Variants in SNPH observed in about 807,000 individuals in gnomAD.
The protein encoded by SNPH is syntaphilin.
In SNPH, 10 loss-of-function variants were observed where a neutral mutation model predicts 36.8. The observed-to-expected ratio is 0.27, with a 90% CI of 0.17 to 0.46. The LOEUF (loss-of-function observed/expected upper bound fraction) is 0.46. SNPH is among the 20% of genes least tolerant of loss of function. SNPH has a pLI of 1.00. For synonymous variants in SNPH, 281 were observed against 312.2 expected (o/e 0.90, Z 1.05); for missense variants, 622 against 744.0 (o/e 0.84, Z 1.91).
chr20:1,305,380 G>A lies in SNPH; in HGVS notation c.943G>A (p.Gly315Ser). The A allele has an allele frequency of 6.2e-7, 1 of 1,612,796 alleles. No individual in the cohort carries two copies. The highest frequency in any genetic ancestry group is 8.5e-7 in the Non-Finnish European group (1 of 1,180,006). The change falls in exon 7 of 7, where the codon GGC becomes AGC. Residue 315 changes from glycine (G) to serine (S), a missense_variant. This residue lies in a region of SNPH where 379 missense variants were observed against 427.9 expected (regional missense o/e 0.89). Coordinates refer to ENST00000381867, the MANE Select transcript of SNPH (RefSeq NM_001318234.2). Reference protein sequence around the residue: ...SSLLSSGVDCGTEETSLHSSF... With the variant: ...SSLLSSGVDCSTEETSLHSSF... Reference sequence around the variant, plus strand: ...CCTGCTGTCGTCGGGGGTGGACTGTGGCACCGAGGAGACCTCGCTGCACAG... The same window carrying A: ...CCTGCTGTCGTCGGGGGTGGACTGTAGCACCGAGGAGACCTCGCTGCACAG...
At chr20:1,273,419 A>G (rs1285853494) in intron 2 of SNPH, among the ~76,000 whole-genome samples, 1 of 152,202 alleles carries the variant, frequency 6.6e-6, no homozygotes, top group African/African-American at 2.4e-5. Flanking sequence ...GCCACGGTGA[A>G]GGAATTCAAA....
At chr20:1,273,571 CAT>C (rs1274372399) in intron 2 of SNPH, among the ~76,000 whole-genome samples, 3 of 152,186 alleles carry the variant, frequency 2.0e-5, no homozygotes, top group Non-Finnish European at 4.4e-5. Flanking sequence ...GGGCCTGACA[CAT>C]AGAAATATTA....
At chr20:1,299,096 G>A (rs748982477) in intron 5 of SNPH, among the ~76,000 whole-genome samples, 13 of 151,844 alleles carry the variant, frequency 8.6e-5, no homozygotes, top group Non-Finnish European at 1.3e-4. Flanking sequence ...GTTGACCTAG[G>A]GGCCATGACG....
intron 2 of SNPH, among the ~76,000 whole-genome samples, chr20:1,279,482 T>A (rs887349043): frequency 1.3e-5 from 2 of 152,240 alleles, no homozygotes; most frequent in African/African-American, 4.8e-5. Context: ...CTTTGTTAAA[T>A]ATATATTTTG....
At chr20:1,270,164 C>A (rs899906207) in intron 2 of SNPH, among the ~76,000 whole-genome samples, 1 of 152,208 alleles carries the variant, frequency 6.6e-6, no homozygotes, top group African/African-American at 2.4e-5. Flanking sequence ...GAGGGGATTC[C>A]TTAACTTGCT....
In SNPH at chr20:1,305,298, T is replaced by C. The variant is rs780818477; in HGVS notation, c.861T>C (p.Ser287=). 6.2e-6 allele frequency: 10 copies of C among 1,610,310 alleles called. No individual in the cohort carries two copies. ...SSGSAEDGAD[S]GFAAADDTLS... ...GCTCTGCTGAGGATGGGGCAGACAG[T>C]GGCTTTGCAGCAGCCGATGACACAC... Residue 287 remains serine, a synonymous_variant, in exon 7 of 7, where the codon AGT becomes AGC. Transcript: ENST00000381867.
chr20:1,284,374 T>C (rs6033312), intron 2 of SNPH, among the ~76,000 whole-genome samples: 104,847 of 152,138 alleles, frequency 0.69, 36,810 homozygotes, highest in Non-Finnish European at 0.77. Flanking sequence ...ATTGAGGGCC[T>C]GTGGTGGCCT....
In SNPH at chr20:1,305,416, C is replaced by T; in HGVS notation, c.979C>T (p.Leu327=). 1 of 1,613,116 alleles carries T rather than the reference C, an allele frequency of 6.2e-7. No homozygotes were observed. The highest frequency in any genetic ancestry group is 8.5e-7 in the Non-Finnish European group (1 of 1,180,034). ...EETSLHSSFG[L]GPRFPASNTY... ...GACCTCGCTGCACAGCTCCTTCGGC[C>T]TGGGCCCCCGCTTCCCTGCCAGCAA... Residue 327 remains leucine (L), a synonymous_variant, in exon 7 of 7, where the codon CTG becomes TTG. Coordinates refer to ENST00000381867, the MANE Select transcript of SNPH (RefSeq NM_001318234.2).
chr20:1,280,653 G>A (rs926909429), intron 2 of SNPH, among the ~76,000 whole-genome samples: 5 of 152,116 alleles, frequency 3.3e-5, no homozygotes, highest in Admixed American at 6.5e-5. Context: ...GAGTGTCCTG[G>A]CCCCAAGTAC....
chr20:1,289,944 C>T (rs1271552144), intron 2 of SNPH, among the ~76,000 whole-genome samples: 2 of 151,996 alleles, frequency 1.3e-5, no homozygotes, highest in Non-Finnish European at 2.9e-5. Flanking sequence ...TGGCTCACAC[C>T]TGTAATCCCA....
At chr20:1,277,865 CTG>C (rs1172880847) in intron 2 of SNPH, among the ~76,000 whole-genome samples, 5 of 120,184 alleles carry the variant, frequency 4.2e-5, no homozygotes, top group Non-Finnish European at 6.6e-5. Context: ...GTGTGTGTGC[CTG>C]TGTGTCTGTC....
At chr20:1,271,048 T>C (rs1253702564) in intron 2 of SNPH, among the ~76,000 whole-genome samples, 2 of 152,318 alleles carry the variant, frequency 1.3e-5, no homozygotes, top group East Asian at 1.9e-4. Context: ...TGCTTTGCAT[T>C]AATGGACAGA....
intron 5 of SNPH, among the ~76,000 whole-genome samples, chr20:1,298,025 T>G (rs1196272431): frequency 6.6e-6 from 1 of 152,022 alleles, no homozygotes; most frequent in African/African-American, 2.4e-5. Flanking sequence ...GAGAAGCAGG[T>G]GTAGGGGAGC....
intron 2 of SNPH, among the ~76,000 whole-genome samples, chr20:1,268,924 G>T (rs981918077): frequency 2.6e-5 from 4 of 152,124 alleles, no homozygotes; most frequent in Admixed American, 6.6e-5. Context: ...CTCCTCTAGG[G>T]CTCCTGACTA....
chr20:1,279,350 G>GA (rs2088188303), intron 2 of SNPH, among the ~76,000 whole-genome samples: 1 of 152,206 alleles, frequency 6.6e-6, no homozygotes, highest in Non-Finnish European at 1.5e-5. Context: ...CTATTTGACA[G>GA]CCACATATCC....
At position 1,305,833 on chromosome 20, in the gene SNPH, A is replaced by G; in HGVS notation, c.1396A>G (p.Ser466Gly). Reference protein sequence around the residue: ...VAEKEPKSYWSRHYIVDLLAV... With the variant: ...VAEKEPKSYWGRHYIVDLLAV... Reference sequence around the variant, plus strand: ...TGAGAAGGAGCCCAAGAGCTACTGGAGCCGCCACTACATCGTGGATCTGCT... The same window carrying G: ...TGAGAAGGAGCCCAAGAGCTACTGGGGCCGCCACTACATCGTGGATCTGCT... The change falls in exon 7 of 7, where the codon AGC becomes GGC. Residue 466 changes from serine to glycine, a missense_variant. Physicochemically the swap from Ser to Gly is moderately conservative, Grantham distance 56 (BLOSUM62 0). Coordinates refer to ENST00000381867, the MANE Select transcript of SNPH (RefSeq NM_001318234.2). 6.4e-7 allele frequency: 1 copy of G among 1,572,326 alleles called. No individual in the cohort carries two copies. The highest frequency in any genetic ancestry group is 8.6e-7 in the Non-Finnish European group (1 of 1,158,936).
chr20:1,295,983 G>C lies in SNPH; in HGVS notation c.-257G>C. 1 of 448,698 alleles carries C rather than the reference G, an allele frequency of 2.2e-6. No individual in the cohort carries two copies. Among genetic ancestry groups the C allele is most frequent in the Non-Finnish European group, 3.9e-6 (1 of 257,834 alleles). 27.8% of individuals were successfully genotyped at this position (448,698 alleles called of 1,614,324 possible). On this transcript the variant is annotated 5_prime_UTR_variant, in exon 4 of 7. Coordinates refer to ENST00000381867, the MANE Select transcript of SNPH (RefSeq NM_001318234.2). ...GCCTGGCTCGTAGAGTAGAAGACTC[G>C]GTGCCGGCAGTCAGGAGGCCCTGCT...
chr20:1,278,016 G>A (rs896377609), intron 2 of SNPH, among the ~76,000 whole-genome samples: 1 of 147,456 alleles, frequency 6.8e-6, no homozygotes, highest in South Asian at 2.2e-4. Context: ...GTGTGTCAGT[G>A]TCTATGTATG....
At chr20:1,280,590 C>G (rs1055544202) in intron 2 of SNPH, among the ~76,000 whole-genome samples, 2 of 152,128 alleles carry the variant, frequency 1.3e-5, no homozygotes, top group African/African-American at 4.8e-5. Flanking sequence ...CTGAGGGACC[C>G]AGAGGTCAAG....
Sources: gnomAD v4.1 joint callset for allele counts (sites outside exome capture counted in the v4.1 genomes callset) on GRCh38, gnomAD v4.1.1 for gene constraint, gnomAD v4.1.1 regional missense constraint, MANE v1.5 for transcripts, NCBI Gene and HGNC (gene_info 2026-07-23, HGNC 2026-07-21) for gene names.